Variants in MTHFS observed in about 807,000 individuals in gnomAD.
MTHFS encodes 5-formyltetrahydrofolate cyclo-ligase.
A neutral mutation model predicts 12.7 loss-of-function variants in MTHFS; 7 were observed. The observed-to-expected ratio is 0.55, with a 90% confidence interval of 0.31 to 1.03. MTHFS has a LOEUF of 1.03. Ranked by LOEUF, MTHFS falls within the 50% of genes least tolerant of loss-of-function variation. The pLI is 0.05. For synonymous variants in MTHFS, 100 were observed against 97.1 expected (o/e 1.03, Z -0.18); for missense variants, 252 against 258.1 (o/e 0.98, Z 0.16).
intron 1 of MTHFS, 120 bp from the exon 2 acceptor site, chr15:79,889,474 AGGG>A: frequency 1.6e-6 from 2 of 1,226,906 alleles, no homozygotes; most frequent in Non-Finnish European, 2.1e-6. Flanking sequence ...AGAAAAAAAA[AGGG>A]GGGGGGACCA....
chr15:79,869,203 C>A (rs971082510), intron 2 of MTHFS, among the ~76,000 whole-genome samples: 1 of 152,130 alleles, frequency 6.6e-6, no homozygotes, highest in Non-Finnish European at 1.5e-5. Flanking sequence ...CCACAAGTAT[C>A]CTTACTTTGT....
At chr15:79,878,581 G>T (rs530771323) in intron 2 of MTHFS, among the ~76,000 whole-genome samples, 2 of 149,852 alleles carry the variant, frequency 1.3e-5, no homozygotes, top group Non-Finnish European at 3.0e-5. Context: ...CGTATCTCAG[G>T]CCTGCTCAGT....
In MTHFS at chr15:79,864,015, A is replaced by G. The variant is rs139147835; in HGVS notation, c.380-18573T>C. Among the ~76,000 whole-genome samples the G allele has an allele frequency of 3.0e-3, 456 of 152,310 alleles. 1 individual carries two copies. Among genetic ancestry groups the G allele is most frequent in the Middle Eastern group, 0.017 (5 of 294 alleles). ...GAAAGGCACCGTGTGCCATCCCACAAACAGCATGCCTTCGGGGAAAGCAGA... is the reference window on the plus strand; with the variant it reads ...GAAAGGCACCGTGTGCCATCCCACAGACAGCATGCCTTCGGGGAAAGCAGA... On this transcript the variant is annotated intron_variant, in intron 2 of 2. Transcript: ENST00000258874.
intron 2 of MTHFS, among the ~76,000 whole-genome samples, chr15:79,881,358 T>C (rs1481741782): frequency 6.6e-6 from 1 of 152,216 alleles, no homozygotes; most frequent in Non-Finnish European, 1.5e-5. Flanking sequence ...TAAGGAACTG[T>C]CTTTTAATCT....
intron 2 of MTHFS, chr15:79,875,841 TA>T (rs2034185692): frequency 6.6e-6 from 1 of 151,888 alleles, no homozygotes; most frequent in African/African-American, 2.4e-5. Context: ...CCAGAACACA[TA>T]AAAAACTTAG....
intron 2 of MTHFS, 35 bp from the exon 3 acceptor site, chr15:79,845,477 T>C (rs1268316611): frequency 1.3e-6 from 2 of 1,597,698 alleles, no homozygotes; most frequent in Non-Finnish European, 1.7e-6. Flanking sequence ...AGAGGATTAA[T>C]TGTTTCTGAA....
chr15:79,874,931 T>C (rs540638256), intron 2 of MTHFS, among the ~76,000 whole-genome samples: 37 of 152,232 alleles, frequency 2.4e-4, no homozygotes, highest in African/African-American at 8.7e-4. Context: ...TTTCATATTG[T>C]TTAAACACAC....
Position 79,844,571 on chromosome 15 carries a change from T to A in MTHFS, c.*639A>T, listed in dbSNP as rs1300156761. ...GTAAACAGAAATAATTTCTAACTTATAAGATACTAGATCTTAAACTCATCA... is the reference window on the plus strand; with the variant it reads ...GTAAACAGAAATAATTTCTAACTTAAAAGATACTAGATCTTAAACTCATCA... On this transcript the variant is annotated 3_prime_UTR_variant, in exon 3 of 3. Transcript: ENST00000258874. Among the ~76,000 whole-genome samples the A allele has an allele frequency of 6.6e-6, 1 of 152,156 alleles. No homozygotes were observed. Among genetic ancestry groups the A allele is most frequent in the African/African-American group, 2.4e-5 (1 of 41,426 alleles).
chr15:79,863,224 A>G (rs2033948568), intron 2 of MTHFS, among the ~76,000 whole-genome samples: 1 of 152,138 alleles, frequency 6.6e-6, no homozygotes, highest in Non-Finnish European at 1.5e-5. Context: ...CATCCATTCG[A>G]ATCCATCAGA....
intron 2 of MTHFS, among the ~76,000 whole-genome samples, chr15:79,866,614 G>A (rs370019381): frequency 3.9e-5 from 6 of 152,148 alleles, no homozygotes; most frequent in East Asian, 3.9e-4. Flanking sequence ...CACAGAACAC[G>A]AGGGCAAACA....
chr15:79,887,638 A>G (rs1325905536), intron 2 of MTHFS, among the ~76,000 whole-genome samples: 1 of 152,230 alleles, frequency 6.6e-6, no homozygotes, highest in Non-Finnish European at 1.5e-5. Flanking sequence ...AAGTTTGAGC[A>G]AAGTCAGTAG....
chr15:79,859,765 C>T (rs1432929473), intron 2 of MTHFS, among the ~76,000 whole-genome samples: 1 of 144,736 alleles, frequency 6.9e-6, no homozygotes. Flanking sequence ...TTGCAGTGAG[C>T]CAAGATTGTG....
chr15:79,894,127 G>A (rs1262621347), intron 1 of MTHFS, among the ~76,000 whole-genome samples: 1 of 152,224 alleles, frequency 6.6e-6, no homozygotes, highest in African/African-American at 2.4e-5. Context: ...GCTCACGCCT[G>A]TAATCCCAGC....
At chr15:79,859,532 T>G (rs2033871620) in intron 2 of MTHFS, among the ~76,000 whole-genome samples, 1 of 152,216 alleles carries the variant, frequency 6.6e-6, no homozygotes. Flanking sequence ...TAAAACATAT[T>G]CTCAGCCAGG....
At chr15:79,853,710 A>C (rs2033753065) in intron 2 of MTHFS, among the ~76,000 whole-genome samples, 1 of 152,216 alleles carries the variant, frequency 6.6e-6, no homozygotes, top group South Asian at 2.1e-4. Flanking sequence ...AGCTAGAAAC[A>C]TGCAGAGCGG....
intron 2 of MTHFS, among the ~76,000 whole-genome samples, chr15:79,848,152 A>G (rs1296611700): frequency 6.6e-6 from 1 of 152,268 alleles, no homozygotes; most frequent in Non-Finnish European, 1.5e-5. Flanking sequence ...CATTCAATGA[A>G]TATTATTCAG....
At chr15:79,857,813 G>C (rs939931856) in intron 2 of MTHFS, among the ~76,000 whole-genome samples, 6 of 151,976 alleles carry the variant, frequency 3.9e-5, no homozygotes, top group Non-Finnish European at 8.8e-5. Flanking sequence ...TCAGGAGTTC[G>C]AGACCAGTCT....
chr15:79,869,272 G>A (rs536503931), intron 2 of MTHFS, among the ~76,000 whole-genome samples: 5 of 152,160 alleles, frequency 3.3e-5, no homozygotes, highest in Non-Finnish European at 5.9e-5. Context: ...ATAAAGATGG[G>A]GAGAAGGACC....
chr15:79,895,190 C>G (rs1300530468), intron 1 of MTHFS, among the ~76,000 whole-genome samples: 2 of 152,228 alleles, frequency 1.3e-5, no homozygotes, highest in African/African-American at 4.8e-5. Context: ...CAGCCCAGAT[C>G]TGTGCAGTTC....
Sources: gnomAD v4.1 joint callset for allele counts (sites outside exome capture counted in the v4.1 genomes callset) on GRCh38, gnomAD v4.1.1 for gene constraint, MANE v1.5 for transcripts, NCBI Gene and HGNC (gene_info 2026-07-23, HGNC 2026-07-21) for gene names.